VPS13D: variants seen among roughly 807,000 people sequenced by gnomAD.
The protein encoded by VPS13D is vacuolar protein sorting 13 homolog D.
A neutral mutation model predicts 461.9 loss-of-function variants in VPS13D; 187 were observed. The ratio of observed to expected loss-of-function variants is 0.40; its 90% CI spans 0.36 to 0.46. The LOEUF is 0.46. Ranked by LOEUF, VPS13D falls within the 20% of genes least tolerant of loss-of-function variation. The pLI, the probability that VPS13D is intolerant of heterozygous loss-of-function variation, is 0.60. For missense variants in VPS13D, 4,711 were observed against 5,364.9 expected (o/e 0.88, Z 3.81); for synonymous variants, 1,951 against 1,986.3 (o/e 0.98, Z 0.47).
Position 12,327,722 on chromosome 1 carries a change from A to G in VPS13D, c.8065A>G (p.Ser2689Gly), listed in dbSNP as rs1437746364. 6.2e-6 allele frequency: 10 copies of G among 1,614,044 alleles called. No homozygotes were observed. Among genetic ancestry groups the G allele is most frequent in the Non-Finnish European group, 7.6e-6 (9 of 1,180,034 alleles). ...PLKSLSLASTSRDSPGAVAAP... is the reference protein window; with the variant it reads ...PLKSLSLASTGRDSPGAVAAP... The stretch of plus-strand genomic sequence containing the variant: ...GAAGTCTCTTTCCTTGGCCTCCACC[A>G]GCCGAGATAGCCCAGGGGCTGTGGC... Residue 2689 changes from serine to glycine, a missense_variant, in exon 36 of 70, where the codon AGC becomes GGC. Transcript: ENST00000620676.
At chr1:12,450,222 G>A (rs1447634847) in intron 65 of VPS13D, among the ~76,000 whole-genome samples, 1 of 152,176 alleles carries the variant, frequency 6.6e-6, no homozygotes, top group Admixed American at 6.5e-5. Context: ...CAGCATGCGT[G>A]TTTGGTAACT....
intron 23 of VPS13D, among the ~76,000 whole-genome samples, chr1:12,291,757 A>G (rs1342554257): frequency 6.6e-6 from 1 of 152,178 alleles, no homozygotes; most frequent in Non-Finnish European, 1.5e-5. Flanking sequence ...TTCGTGCATC[A>G]GTTTTTCTAT....
intron 10 of VPS13D, among the ~76,000 whole-genome samples, chr1:12,260,015 C>CTTTTTTT (rs70987243): frequency 1.2e-4 from 9 of 72,814 alleles, no homozygotes; most frequent in African/African-American, 3.5e-4. Flanking sequence ...GCTTTAGTGA[C>CTTTTTTT]TTTTTTTTTT....
rs1642938734 is a variant in VPS13D, at chr1:12,318,154, C to T, written c.7231C>T (p.His2411Tyr). ...FLIFDWLLLVHDFLHTPSDIK... is the reference protein window; with the variant it reads ...FLIFDWLLLVYDFLHTPSDIK... The stretch of plus-strand genomic sequence containing the variant: ...CATATTTGACTGGCTACTGTTAGTC[C>T]ATGATTTTCTCCACACTCCCAGTGA... Residue 2411 changes from histidine to tyrosine, a missense_variant, in exon 31 of 70, where the codon CAT becomes TAT. His to Tyr is a moderately conservative substitution (Grantham distance 83). Transcript: ENST00000620676. 3 of 1,614,086 alleles carry T rather than the reference C, an allele frequency of 1.9e-6. No individual in the cohort carries two copies. Among genetic ancestry groups the T allele is most frequent in the Non-Finnish European group, 1.7e-6 (2 of 1,179,988 alleles).
At chr1:12,474,555 A>C (rs1457238507) in intron 67 of VPS13D, among the ~76,000 whole-genome samples, 1 of 152,192 alleles carries the variant, frequency 6.6e-6, no homozygotes, top group Non-Finnish European at 1.5e-5. Context: ...TTTCTAGCTA[A>C]GTCTGATGGG....
intron 32 of VPS13D, 115 bp from the exon 33 acceptor site, chr1:12,321,694 A>G: frequency 5.4e-6 from 6 of 1,117,720 alleles, no homozygotes; most frequent in South Asian, 3.4e-5. Context: ...AGCAGTTGTT[A>G]TGGGTCTTAT....
At chr1:12,439,082 A>G (rs917656299) in intron 65 of VPS13D, among the ~76,000 whole-genome samples, 5 of 152,120 alleles carry the variant, frequency 3.3e-5, no homozygotes, top group African/African-American at 7.2e-5. Flanking sequence ...CAGTACAACA[A>G]CTAGAGTGAT....
intron 65 of VPS13D, among the ~76,000 whole-genome samples, chr1:12,431,789 A>G (rs547506789): frequency 3.9e-5 from 6 of 152,196 alleles, no homozygotes; most frequent in Admixed American, 3.9e-4. Flanking sequence ...AGCACCTTCT[A>G]TTACTAGTCC....
chr1:12,444,987 A>C (rs917293736), intron 65 of VPS13D, among the ~76,000 whole-genome samples: 2 of 152,302 alleles, frequency 1.3e-5, no homozygotes, highest in Non-Finnish European at 2.9e-5. Context: ...CAAGGGGTAA[A>C]TATTAGCAGG....
intron 66 of VPS13D, among the ~76,000 whole-genome samples, chr1:12,459,410 A>G (rs967622203): frequency 6.6e-6 from 1 of 152,156 alleles, no homozygotes; most frequent in South Asian, 2.1e-4. Flanking sequence ...TCCTGGATCA[A>G]TCCCACATGG....
intron 60 of VPS13D, among the ~76,000 whole-genome samples, chr1:12,392,933 A>T (rs1432018252): frequency 6.6e-6 from 1 of 152,208 alleles, no homozygotes; most frequent in African/African-American, 2.4e-5. Flanking sequence ...GTCACTTAAT[A>T]AATGGGCCGG....
intron 59 of VPS13D, among the ~76,000 whole-genome samples, chr1:12,385,674 C>T (rs948287399): frequency 6.6e-6 from 1 of 152,222 alleles, no homozygotes; most frequent in Non-Finnish European, 1.5e-5. Flanking sequence ...CTTCAGCCAT[C>T]TCTGACATCT....
intron 67 of VPS13D, among the ~76,000 whole-genome samples, chr1:12,489,118 C>G (rs1645842284): frequency 6.6e-6 from 1 of 152,186 alleles, no homozygotes; most frequent in South Asian, 2.1e-4. Flanking sequence ...TATAAAGTAA[C>G]TCTGCCCCTC....
chr1:12,410,534 A>G (rs1644712221), intron 63 of VPS13D, among the ~76,000 whole-genome samples: 1 of 152,236 alleles, frequency 6.6e-6, no homozygotes, highest in African/African-American at 2.4e-5. Context: ...AGATGAGACC[A>G]AGAGAAAAAA....
In VPS13D at chr1:12,323,806, C is replaced by A. The variant is rs80305244; in HGVS notation, c.7990+26C>A. On this transcript the variant is annotated intron_variant, in intron 35 of 69. Coordinates refer to ENST00000620676, the MANE Select transcript of VPS13D (RefSeq NM_015378.4). ...GTAATTTGAACAGGGTTCTGTTACC[C>A]GTTGTTTATCTTGATGATATGCTTC... 2.1e-3 allele frequency: 3,346 copies of A among 1,607,824 alleles called. 5 individuals carry two copies. Among genetic ancestry groups the A allele is most frequent in the Non-Finnish European group, 2.7e-3 (3,132 of 1,175,314 alleles).
intron 57 of VPS13D, 85 bp from the exon 58 acceptor site, chr1:12,382,891 A>T (rs1570055401): frequency 1.6e-6 from 2 of 1,273,792 alleles, no homozygotes; most frequent in East Asian, 2.3e-5. Flanking sequence ...ATGTAAATTT[A>T]GGAACTTGTT....
chr1:12,254,820 AC>A (rs1251749334), intron 7 of VPS13D, among the ~76,000 whole-genome samples: 1 of 151,106 alleles, frequency 6.6e-6, no homozygotes, highest in East Asian at 2.0e-4. Flanking sequence ...GAGCTACCAC[AC>A]CCGGCCAGTT....
At chr1:12,369,900 CAA>C (rs1429799487) in intron 54 of VPS13D, among the ~76,000 whole-genome samples, 198 bp downstream of exon 54, 2 of 152,122 alleles carry the variant, frequency 1.3e-5, no homozygotes, top group Admixed American at 1.3e-4. Context: ...AAAATTTATC[CAA>C]AGAGTCAAGA....
intron 5 of VPS13D, 56 bp downstream of exon 5, chr1:12,244,673 A>G: frequency 6.6e-7 from 1 of 1,521,626 alleles, no homozygotes; most frequent in Admixed American, 1.7e-5. Context: ...TCTCAGGTTT[A>G]AACGTGTTTC....
Sources: allele counts gnomAD v4.1 joint callset (sites outside exome capture counted in the v4.1 genomes callset), GRCh38; gene constraint gnomAD v4.1.1; transcripts MANE v1.5; gene names NCBI Gene and HGNC (gene_info 2026-07-23, HGNC 2026-07-21).